CDH4: variants seen among roughly 807,000 people sequenced by gnomAD.
The protein encoded by CDH4 is cadherin 4.
Under a neutral mutation model 86.0 loss-of-function variants are expected in CDH4, and 33 were observed. The ratio of observed to expected loss-of-function variants is 0.38; its 90% CI spans 0.29 to 0.51. CDH4 has a LOEUF of 0.51. CDH4 is among the 20% of genes least tolerant of loss of function. CDH4 has a pLI of 0.86. For synonymous variants in CDH4, 555 were observed against 549.4 expected, an observed-to-expected ratio of 1.01 and a Z score of -0.14; for missense variants, 1,114 against 1,307.4, an observed-to-expected ratio of 0.85 and a Z score of 2.28.
intron 2 of CDH4, among the ~76,000 whole-genome samples, chr20:61,616,048 C>T (rs898390016): frequency 2.0e-5 from 3 of 152,232 alleles, no homozygotes; most frequent in Non-Finnish European, 2.9e-5. Flanking sequence ...CCCCCTGCGT[C>T]GTCCTGCCCT....
At chr20:61,586,030 A>ATTG (rs1336051517) in intron 2 of CDH4, among the ~76,000 whole-genome samples, 1 of 144,652 alleles carries the variant, frequency 6.9e-6, no homozygotes, top group African/African-American at 2.6e-5. Context: ...GGTGATGGTG[A>ATTG]TGATGTGGTG....
chr20:61,634,669 A>C (rs1315345706), intron 2 of CDH4, among the ~76,000 whole-genome samples: 7 of 152,152 alleles, frequency 4.6e-5, no homozygotes. Context: ...GGTAAACTAC[A>C]CTTAACATAA....
intron 2 of CDH4, among the ~76,000 whole-genome samples, chr20:61,602,781 T>C (rs1022450567): frequency 2.8e-5 from 4 of 144,388 alleles, no homozygotes; most frequent in Admixed American, 7.1e-5. Flanking sequence ...CATCATGAAA[T>C]GATTTCGGAA....
At chr20:61,918,075 G>C (rs2054925125) in intron 9 of CDH4, among the ~76,000 whole-genome samples, 2 of 152,258 alleles carry the variant, frequency 1.3e-5, no homozygotes, top group Admixed American at 1.3e-4. Flanking sequence ...CTGCTGGAGG[G>C]CCTGGGGGGG....
intron 9 of CDH4, among the ~76,000 whole-genome samples, chr20:61,916,938 G>A (rs1450716231): frequency 6.6e-6 from 1 of 152,232 alleles, no homozygotes; most frequent in Non-Finnish European, 1.5e-5. Flanking sequence ...ACACAGTTGT[G>A]TCTATGCTCT....
At position 61,544,007 on chromosome 20, in the gene CDH4, T is replaced by C. The variant is rs1049127017; in HGVS notation, c.170-199556T>C. 6.6e-6 allele frequency among the ~76,000 whole-genome samples: 1 copy of C among 152,194 alleles called. No individual in the cohort carries two copies. The highest frequency in any genetic ancestry group is 1.5e-5 in the Non-Finnish European group (1 of 68,032). ...GGTGTGGTGGTACAGCTTTCTCTCG[T>C]CACAGCTGAGGTCCCTGGAGGCTGC... is the stretch of plus-strand genomic sequence containing the variant. On this transcript the variant is annotated intron_variant, in intron 2 of 15. Transcript: ENST00000614565. This position sits in a 1 kb window ranked among gnomAD's most constrained non-coding sequence, Gnocchi z 6.5.
chr20:61,752,388 G>A (rs1267817043), intron 3 of CDH4, among the ~76,000 whole-genome samples: 1 of 148,198 alleles, frequency 6.7e-6, no homozygotes, highest in African/African-American at 2.5e-5. Flanking sequence ...TTAAAAATGA[G>A]ACAATAAGGC....
chr20:61,541,431 C>T (rs1164610269), intron 2 of CDH4, among the ~76,000 whole-genome samples: 1 of 152,184 alleles, frequency 6.6e-6, no homozygotes, highest in Non-Finnish European at 1.5e-5. Context: ...TTATTAATAG[C>T]AAGCACACTG....
At chr20:61,856,930 T>C (rs919307255) in intron 6 of CDH4, among the ~76,000 whole-genome samples, 12 of 152,052 alleles carry the variant, frequency 7.9e-5, no homozygotes, top group Non-Finnish European at 2.9e-5. Context: ...GTTTCCAGAG[T>C]CTCCCCGGCC....
In CDH4 at chr20:61,582,507, G is replaced by T. The variant is rs2086437139; in HGVS notation, c.170-161056G>T. ...TGGAATGTTCCAACCTGGTTTCTGG[G>T]CACCAGCAGTTCCCTTTGGCCTGTA... On this transcript the variant is annotated intron_variant, in intron 2 of 15. Coordinates refer to ENST00000614565, the MANE Select transcript of CDH4 (RefSeq NM_001794.5). The surrounding 1 kb of genome is among the most constrained non-coding windows in gnomAD (Gnocchi z 4.2). Among the ~76,000 whole-genome samples, 1 of 152,172 alleles carries T rather than the reference G, an allele frequency of 6.6e-6. No individual in the cohort carries two copies. Among genetic ancestry groups the T allele is most frequent in the South Asian group, 2.1e-4 (1 of 4,826 alleles).
intron 2 of CDH4, among the ~76,000 whole-genome samples, chr20:61,499,673 C>T (rs1268886103): frequency 1.3e-5 from 2 of 152,164 alleles, no homozygotes; most frequent in African/African-American, 2.4e-5. Context: ...AGGCCAGTGC[C>T]ACCTGCCATC....
At chr20:61,292,000 C>A (rs772402626) in intron 2 of CDH4, among the ~76,000 whole-genome samples, 1 of 151,994 alleles carries the variant, frequency 6.6e-6, no homozygotes, top group South Asian at 2.1e-4. Context: ...ATGCGGTATT[C>A]GGTTTTCTGT....
chr20:61,920,070 C>CATGGTGTCGTGATTGT (rs1568887714), intron 9 of CDH4, among the ~76,000 whole-genome samples: 2 of 104,374 alleles, frequency 1.9e-5, no homozygotes, highest in Non-Finnish European at 1.9e-5. Context: ...TGTGTGGAAG[C>CATGGTGTCGTGATTGT]GTGGTGTCAC....
At chr20:61,528,607 AAAAAG>A (rs1451369308) in intron 2 of CDH4, among the ~76,000 whole-genome samples, 2 of 152,112 alleles carry the variant, frequency 1.3e-5, no homozygotes, top group Non-Finnish European at 2.9e-5. Flanking sequence ...CATCTCCACA[AAAAAG>A]AAAAGGAAAG....
intron 2 of CDH4, among the ~76,000 whole-genome samples, chr20:61,312,491 G>GC (rs1242603144): frequency 6.6e-6 from 1 of 152,104 alleles, no homozygotes; most frequent in African/African-American, 2.4e-5. Flanking sequence ...GGAGCCGCCA[G>GC]CCCCCGGGTG....
At chr20:61,263,931 C>T (rs2084141645) in intron 2 of CDH4, among the ~76,000 whole-genome samples, 1 of 152,114 alleles carries the variant, frequency 6.6e-6, no homozygotes, top group Non-Finnish European at 1.5e-5. Context: ...TCACTGGTCA[C>T]ATCCACCTCT....
In CDH4 at chr20:61,330,348, T is replaced by C. The variant is rs140387568; in HGVS notation, c.169+75411T>C. Among the ~76,000 whole-genome samples, 558 of 152,338 alleles carry C rather than the reference T, an allele frequency of 3.7e-3. 3 individuals carry two copies. Among genetic ancestry groups the C allele is most frequent in the African/African-American group, 0.013 (535 of 41,578 alleles). On this transcript the variant is annotated intron_variant, in intron 2 of 15. Coordinates refer to ENST00000614565, the MANE Select transcript of CDH4 (RefSeq NM_001794.5). The stretch of plus-strand genomic sequence containing the variant: ...CACGCCCACCAACAGTGTAAAAGTG[T>C]ACCTGATTCTCCACAGCCTCACCAG...
chr20:61,926,064 G>A (rs573465914), intron 11 of CDH4, among the ~76,000 whole-genome samples: 42 of 152,312 alleles, frequency 2.8e-4, no homozygotes, highest in Non-Finnish European at 5.0e-4. Flanking sequence ...TGGATATTGG[G>A]GATGACTCAG....
chr20:61,565,104 TTGGTGGTGCTGGTGCTC>T (rs2086258961), intron 2 of CDH4, among the ~76,000 whole-genome samples: 4 of 52,056 alleles, frequency 7.7e-5, no homozygotes, highest in Non-Finnish European at 1.6e-4. Flanking sequence ...GGTGGTGCTC[TTGGTGGTGCTGGTGCTC>T]TTGGTGGTGC....
Sources: allele counts gnomAD v4.1 joint callset (sites outside exome capture counted in the v4.1 genomes callset), GRCh38; gene constraint gnomAD v4.1.1; non-coding constraint Gnocchi (gnomAD v3.1); transcripts MANE v1.5; gene names NCBI Gene and HGNC (gene_info 2026-07-23, HGNC 2026-07-21).